The following SPTB variants were observed in gnomAD, a reference collection of about 807,000 sequenced individuals.
SPTB encodes spectrin beta, erythrocytic, also known as spectrin beta chain, erythrocytic.
Under a neutral mutation model 256.2 loss-of-function variants are expected in SPTB, and 45 were observed. The observed-to-expected ratio is 0.18, with a 90% CI of 0.14 to 0.23. SPTB has a LOEUF of 0.23. Among genes scored for constraint, SPTB ranks in the 10% least tolerant of loss-of-function variants. The pLI, the probability that SPTB is intolerant of heterozygous loss-of-function variation, is 1.00. For synonymous variants in SPTB, 1,231 were observed against 1,243.1 expected, an observed-to-expected ratio of 0.99 and a Z score of 0.21; for missense variants, 2,715 against 3,040.4, an observed-to-expected ratio of 0.89 and a Z score of 2.52.
rs1384071170 is a variant in SPTB, at chr14:64,827,149, A to G, written c.-51-4004T>C. Among the ~76,000 whole-genome samples, 5 of 152,290 alleles carry G rather than the reference A, an allele frequency of 3.3e-5. No homozygotes were observed. The East Asian group carries it at 5.8e-4, about 18-fold the overall frequency. ...GCAGGGTGCTGACGGAGCCCAAGCT[A>G]GGACCCATGTCAGCCCTCGCCGAAG... On this transcript the variant is annotated intron_variant, in intron 1 of 35. Transcript: ENST00000644917. The surrounding 1 kb of genome is among the most constrained non-coding windows in gnomAD (Gnocchi z 4.6).
rs1258368037 is a variant in SPTB at position 64,760,160 on chromosome 14, G to A, written c.6346-6367C>T. Among the ~76,000 whole-genome samples the A allele has an allele frequency of 6.6e-6, 1 of 152,136 alleles. No individual in the cohort carries two copies. Among genetic ancestry groups the A allele is most frequent in the African/African-American group, 2.4e-5 (1 of 41,404 alleles). The stretch of plus-strand genomic sequence containing the variant: ...GCGGGATGGCCATCTCTGGGTCTTT[G>A]CAGTCTTGCAAAGTCAAGCAGGAGT... On this transcript the variant is annotated intron_variant, in intron 32 of 35. Transcript: ENST00000644917. This position sits in a 1 kb window ranked among gnomAD's most constrained non-coding sequence, Gnocchi z 4.3.
At chr14:64,808,234 G>C (rs1298217019) in intron 2 of SPTB, among the ~76,000 whole-genome samples, 1 of 152,078 alleles carries the variant, frequency 6.6e-6, no homozygotes, top group Admixed American at 6.5e-5. Context: ...GGATGGTCTT[G>C]ATCTCTTGAC....
In SPTB at chr14:64,773,313, G is replaced by A; in HGVS notation, c.5085C>T (p.Leu1695=). The change falls in exon 25 of 36, where the codon CTC becomes CTT. Residue 1695 remains leucine (L), a synonymous_variant. Coordinates refer to ENST00000644917, the MANE Select transcript of SPTB (RefSeq NM_001355436.2). ...KLENMYHLFQ[L]KRETDDLEQW... ...GCTCCAGGTCGTCGGTCTCCCGCTT[G>A]AGCTGGAACAGGTGGTACATGTTCT... 2 of 1,614,224 alleles carry A rather than the reference G, an allele frequency of 1.2e-6. No homozygotes were observed. Among genetic ancestry groups the A allele is most frequent in the Non-Finnish European group, 1.7e-6 (2 of 1,180,034 alleles).
chr14:64,805,255 G>A (rs183792773), intron 2 of SPTB, among the ~76,000 whole-genome samples, 165 bp from the exon 3 acceptor site: 1 of 152,242 alleles, frequency 6.6e-6, no homozygotes, highest in East Asian at 1.9e-4. Context: ...TCAAGGTGTA[G>A]CAATACCGGT....
At chr14:64,877,663 T>TA (rs564208787) in intron 1 of SPTB, among the ~76,000 whole-genome samples, 1 of 152,346 alleles carries the variant, frequency 6.6e-6, no homozygotes, top group South Asian at 2.1e-4. Context: ...ACCATCCAGG[T>TA]ACTGGGTACA....
chr14:64,810,592 A>G (rs1242567275), intron 2 of SPTB, among the ~76,000 whole-genome samples: 1 of 152,168 alleles, frequency 6.6e-6, no homozygotes, highest in Admixed American at 6.6e-5. Context: ...AGGCATGAGA[A>G]TCGCTTGAAC....
chr14:64,769,796 C>A (rs1166499133), intron 27 of SPTB, 68 bp from the exon 28 acceptor site: 9 of 1,605,740 alleles, frequency 5.6e-6, no homozygotes, highest in African/African-American at 5.4e-5. Flanking sequence ...GTGTCCCAAC[C>A]AGAGGGGCCC....
chr14:64,857,423 C>A (rs1338453158), intron 1 of SPTB, among the ~76,000 whole-genome samples: 2 of 151,644 alleles, frequency 1.3e-5, no homozygotes, highest in African/African-American at 4.8e-5. Context: ...TCTTTATAAA[C>A]ATTTAAAAAT....
At chr14:64,877,164 A>G (rs939535738) in intron 1 of SPTB, among the ~76,000 whole-genome samples, 18 of 152,174 alleles carry the variant, frequency 1.2e-4, no homozygotes, top group African/African-American at 4.3e-4. Context: ...AAAAAAAAAA[A>G]AAATCCATGC....
At position 64,759,505 on chromosome 14, in the gene SPTB, C is replaced by T. The variant is rs2082063241; in HGVS notation, c.6346-5712G>A. ...AATAAGAGGGGATGAGGGGAGGCTGCCCCCCTGTAAGCAGGCCATGGTCTG... is the reference window on the plus strand; with the variant it reads ...AATAAGAGGGGATGAGGGGAGGCTGTCCCCCTGTAAGCAGGCCATGGTCTG... On this transcript the variant is annotated intron_variant, in intron 32 of 35. Coordinates refer to ENST00000644917, the MANE Select transcript of SPTB (RefSeq NM_001355436.2). This position sits in a 1 kb window ranked among gnomAD's most constrained non-coding sequence, Gnocchi z 4.8. Among the ~76,000 whole-genome samples, 1 of 152,188 alleles carries T rather than the reference C, an allele frequency of 6.6e-6. No individual in the cohort carries two copies. The highest frequency in any genetic ancestry group is 2.1e-4 in the South Asian group (1 of 4,826).
At chr14:64,771,617 T>C (rs1000974668) in intron 26 of SPTB, among the ~76,000 whole-genome samples, 4 of 152,120 alleles carry the variant, frequency 2.6e-5, no homozygotes, top group African/African-American at 4.8e-5. Context: ...TTCTTAACCA[T>C]TCTGTGTGCT....
intron 1 of SPTB, among the ~76,000 whole-genome samples, chr14:64,858,413 A>G (rs2083906314): frequency 6.6e-6 from 1 of 152,210 alleles, no homozygotes; most frequent in Non-Finnish European, 1.5e-5. Context: ...GAAAGGCACC[A>G]TCTAGAGAAA....
In SPTB at chr14:64,823,484, C is replaced by T. The variant is rs552884843; in HGVS notation, c.-51-339G>A. On this transcript the variant is annotated intron_variant, in intron 1 of 35. Coordinates refer to ENST00000644917, the MANE Select transcript of SPTB (RefSeq NM_001355436.2). This position sits in a 1 kb window ranked among gnomAD's most constrained non-coding sequence, Gnocchi z 6.5. Reference sequence around the variant, plus strand: ...AGCACCCCGGGAGAGAGGAAGCTCTCCTGGGAGCCAGAGGCAGCAGGGCAC... The same window carrying T: ...AGCACCCCGGGAGAGAGGAAGCTCTTCTGGGAGCCAGAGGCAGCAGGGCAC... 2.0e-5 allele frequency among the ~76,000 whole-genome samples: 3 copies of T among 152,154 alleles called. No homozygotes were observed. Among genetic ancestry groups the T allele is most frequent in the Non-Finnish European group, 4.4e-5 (3 of 68,030 alleles).
At chr14:64,842,511 G>A (rs982894562) in intron 1 of SPTB, among the ~76,000 whole-genome samples, 2 of 152,294 alleles carry the variant, frequency 1.3e-5, no homozygotes, top group Admixed American at 6.5e-5. Context: ...CTTATAGTCC[G>A]TAAGCCTCTA....
chr14:64,804,203 C>A (rs1302736182), intron 3 of SPTB, among the ~76,000 whole-genome samples: 1 of 152,204 alleles, frequency 6.6e-6, no homozygotes, highest in African/African-American at 2.4e-5. Context: ...TTCTCCTCTC[C>A]CCCAGTGATA....
At chr14:64,848,399 A>G (rs2083727435) in intron 1 of SPTB, among the ~76,000 whole-genome samples, 1 of 152,196 alleles carries the variant, frequency 6.6e-6, no homozygotes, top group South Asian at 2.1e-4. Flanking sequence ...GCCTGTGTAG[A>G]GAGCTGGCCA....
rs762627222 is a variant in SPTB, at chr14:64,803,787, G to A, written c.301-7C>T. On this transcript the variant is annotated splice_region_variant and splice_polypyrimidine_tract_variant and intron_variant, in intron 3 of 35. Transcript: ENST00000644917. ...TCCCCTTGGTGGGCTTTGGCTGGGG[G>A]ACAGCAGTGGCCCCCGTGGGCATGG... 4.8e-5 allele frequency: 77 copies of A among 1,603,756 alleles called. No individual in the cohort carries two copies. Among genetic ancestry groups the A allele is most frequent in the Non-Finnish European group, 6.3e-5 (74 of 1,174,672 alleles).
Position 64,793,375 on chromosome 14 carries a change from T to A in SPTB, c.2288A>T (p.His763Leu), listed in dbSNP as rs1052362411. Residue 763 changes from histidine to leucine, a missense_variant, in exon 14 of 36, where the codon CAC becomes CTC. By Grantham distance (99) the His-to-Leu change is moderately conservative (BLOSUM62 -3). Around this residue, in one of 4 missense-constraint regions of SPTB, gnomAD observed 2,239 missense variants for 2,384.4 expected, o/e 0.94. Coordinates refer to ENST00000644917, the MANE Select transcript of SPTB (RefSeq NM_001355436.2). The surrounding 1 kb of genome is among the most constrained non-coding windows in gnomAD (Gnocchi z 7.0). ...CACATCTTCACCAGAGAGCAGCCGG[T>A]GGGCGTCTTGCAGCCAAGCCTTCAG... ...DDLKAWLQDA[H>L]RLLSGEDVGQ... 2 of 1,612,710 alleles carry A rather than the reference T, an allele frequency of 1.2e-6. No individual in the cohort carries two copies. Among genetic ancestry groups the A allele is most frequent in the Non-Finnish European group, 1.7e-6 (2 of 1,180,010 alleles).
chr14:64,801,652 G>A, intron 6 of SPTB, 102 bp downstream of exon 6: 1 of 1,228,566 alleles, frequency 8.1e-7, no homozygotes, highest in Non-Finnish European at 1.2e-6. Flanking sequence ...AGAAGGAACA[G>A]CAGAGGTCAC....
Sources: gnomAD v4.1 joint callset for allele counts (sites outside exome capture counted in the v4.1 genomes callset) on GRCh38, gnomAD v4.1.1 for gene constraint, gnomAD v4.1.1 regional missense constraint, Gnocchi (gnomAD v3.1) non-coding constraint, MANE v1.5 for transcripts, NCBI Gene and HGNC (gene_info 2026-07-23, HGNC 2026-07-21) for gene names.